The following CDK19 variants were observed in gnomAD, a reference collection of about 807,000 sequenced individuals.
CDK19 encodes the protein cyclin dependent kinase 19, also known as cyclin-dependent kinase 19.
Under a neutral mutation model 68.3 loss-of-function variants are expected in CDK19, and 20 were observed. That is an observed-to-expected ratio of 0.29 (90% CI 0.21 to 0.43). CDK19 has a LOEUF of 0.43. Among genes scored for constraint, CDK19 ranks in the 20% least tolerant of loss-of-function variants. The pLI, the probability that CDK19 is intolerant of heterozygous loss-of-function variation, is 1.00. For synonymous variants in CDK19, 221 were observed against 222.8 expected (o/e 0.99, Z 0.07); for missense variants, 339 against 623.5 (o/e 0.54, Z 4.86).
chr6:110,798,301 T>C (rs1003013542), intron 1 of CDK19, among the ~76,000 whole-genome samples: 1 of 151,770 alleles, frequency 6.6e-6, no homozygotes, highest in African/African-American at 2.4e-5. Context: ...TCCTAAGAGA[T>C]TCTGGAGAGG....
chr6:110,688,679 G>T (rs1772715950), intron 2 of CDK19, among the ~76,000 whole-genome samples: 1 of 152,188 alleles, frequency 6.6e-6, no homozygotes, highest in Non-Finnish European at 1.5e-5. Flanking sequence ...CAGCACAGGA[G>T]CTGATTTAGG....
At chr6:110,791,922 A>C (rs1017531529) in intron 1 of CDK19, among the ~76,000 whole-genome samples, 1 of 152,048 alleles carries the variant, frequency 6.6e-6, no homozygotes, top group African/African-American at 2.4e-5. Flanking sequence ...CTGGGATTAC[A>C]GGCATAAGCC....
intron 2 of CDK19, among the ~76,000 whole-genome samples, chr6:110,710,425 T>A (rs1774854859): frequency 1.3e-5 from 2 of 152,216 alleles, no homozygotes; most frequent in Non-Finnish European, 2.9e-5. Flanking sequence ...TGAAAGAACC[T>A]GGGATCATCA....
intron 1 of CDK19, among the ~76,000 whole-genome samples, chr6:110,794,546 C>T (rs551428712): frequency 4.0e-5 from 6 of 151,322 alleles, no homozygotes; most frequent in East Asian, 2.0e-4. Context: ...GGACTACAGG[C>T]GCCCACCACC....
At chr6:110,623,470 T>C (rs1226016614) in intron 8 of CDK19, 108 bp from the exon 9 acceptor site, 3 of 1,435,416 alleles carry the variant, frequency 2.1e-6, no homozygotes, top group Non-Finnish European at 2.8e-6. Context: ...GTTTAAGTCA[T>C]TGTTTTTTCT....
chr6:110,687,953 T>C (rs1772627624), intron 2 of CDK19, among the ~76,000 whole-genome samples: 1 of 152,232 alleles, frequency 6.6e-6, no homozygotes, highest in African/African-American at 2.4e-5. Flanking sequence ...AAATAAATTA[T>C]GTACATATTT....
chr6:110,745,904 G>A (rs1256800487), intron 2 of CDK19, among the ~76,000 whole-genome samples: 3 of 152,096 alleles, frequency 2.0e-5, no homozygotes, highest in Non-Finnish European at 2.9e-5. Flanking sequence ...GGAGGTTCAC[G>A]CTGCAGTGGA....
chr6:110,772,174 A>G (rs986797657), intron 1 of CDK19, among the ~76,000 whole-genome samples: 1 of 152,194 alleles, frequency 6.6e-6, no homozygotes, highest in Non-Finnish European at 1.5e-5. Flanking sequence ...CATACCTGAG[A>G]TTGGGAAGAA....
chr6:110,635,912 T>G (rs763014586), intron 5 of CDK19, among the ~76,000 whole-genome samples: 6 of 152,188 alleles, frequency 3.9e-5, no homozygotes, highest in Non-Finnish European at 8.8e-5. Flanking sequence ...TTACTAATGT[T>G]TAAAAAACAA....
intron 2 of CDK19, among the ~76,000 whole-genome samples, chr6:110,740,702 A>G (rs187146343): frequency 6.6e-6 from 1 of 152,268 alleles, no homozygotes; most frequent in Admixed American, 6.5e-5. Context: ...TTCATTCCTA[A>G]TTATTTCCGC....
intron 2 of CDK19, among the ~76,000 whole-genome samples, chr6:110,684,392 T>C (rs901967825): frequency 2.9e-5 from 4 of 137,080 alleles, no homozygotes; most frequent in Non-Finnish European, 6.1e-5. Flanking sequence ...CAAATGTTTA[T>C]GTCCTTCTTA....
chr6:110,618,702 T>C (rs1049684637), intron 12 of CDK19, among the ~76,000 whole-genome samples: 4 of 152,152 alleles, frequency 2.6e-5, no homozygotes, highest in Non-Finnish European at 5.9e-5. Flanking sequence ...CAATGAACAA[T>C]TGTTCTGAGA....
intron 1 of CDK19, chr6:110,814,803 G>A: frequency 1.4e-6 from 1 of 699,246 alleles, no homozygotes; most frequent in Non-Finnish European, 2.5e-6. Flanking sequence ...GGGCTGCGCC[G>A]CGGGAGTTCG....
chr6:110,792,401 T>G (rs956264585), intron 1 of CDK19, among the ~76,000 whole-genome samples: 2 of 152,096 alleles, frequency 1.3e-5, no homozygotes, highest in Non-Finnish European at 2.9e-5. Flanking sequence ...ATAAACTTTT[T>G]TTGTTGTTGT....
At position 110,614,225 on chromosome 6, in the gene CDK19, T is replaced by C. The variant is rs182483602; in HGVS notation, c.*310A>G. 20 of 232,872 alleles carry C rather than the reference T, an allele frequency of 8.6e-5. No individual in the cohort carries two copies. The highest frequency in any genetic ancestry group is 4.6e-4 in the Admixed American group (9 of 19,588). The allele number at this position is 232,872 out of a possible 1,614,324, so 14.4% of individuals were successfully genotyped here. On this transcript the variant is annotated 3_prime_UTR_variant, in exon 13 of 13. Transcript: ENST00000368911. Reference sequence around the variant, plus strand: ...AGTGATTGCTACAGCATGAGAAAGGTGCACCAGGAAATCCTTCAAAGAAAT... The same window carrying C: ...AGTGATTGCTACAGCATGAGAAAGGCGCACCAGGAAATCCTTCAAAGAAAT...
chr6:110,809,329 A>G (rs1388987461), intron 1 of CDK19, among the ~76,000 whole-genome samples: 1 of 152,140 alleles, frequency 6.6e-6, no homozygotes, highest in Admixed American at 6.6e-5. Flanking sequence ...AGCCTGGGCA[A>G]CACAGTGAAC....
chr6:110,732,222 A>G (rs2114801935), intron 2 of CDK19, among the ~76,000 whole-genome samples: 1 of 152,228 alleles, frequency 6.6e-6, no homozygotes, highest in East Asian at 1.9e-4. Context: ...AGGGCCGGGC[A>G]TGGTAGCTCA....
At chr6:110,645,867 ACTATCGTAGACG>A in intron 4 of CDK19, 1 of 682,338 alleles carries the variant, frequency 1.5e-6, no homozygotes, top group Non-Finnish European at 2.6e-6. Context: ...TTTCGAAGAG[ACTATCGTAGACG>A]AAAACAGCGG....
chr6:110,686,412 T>A (rs367762883), intron 2 of CDK19, among the ~76,000 whole-genome samples: 2 of 152,336 alleles, frequency 1.3e-5, no homozygotes, highest in East Asian at 3.9e-4. Flanking sequence ...CTAAAAGAAC[T>A]CCTTAACTAT....
Sources: allele counts gnomAD v4.1 joint callset (sites outside exome capture counted in the v4.1 genomes callset), GRCh38; gene constraint gnomAD v4.1.1; transcripts MANE v1.5; gene names NCBI Gene and HGNC (gene_info 2026-07-23, HGNC 2026-07-21).